The following MYO1H variants were observed in gnomAD, a reference collection of about 807,000 sequenced individuals.
The protein encoded by MYO1H is unconventional myosin-Ih.
A neutral mutation model predicts 149.3 loss-of-function variants in MYO1H; 118 were observed. That is an observed-to-expected ratio of 0.79 (90% CI 0.68 to 0.92). MYO1H has a LOEUF of 0.92. Among genes scored for constraint, MYO1H ranks in the 40% least tolerant of loss-of-function variants. The probability of loss-of-function intolerance (pLI) is 0.00; values close to 1 mark genes in which losing one functional copy is unlikely to be tolerated. For missense variants in MYO1H, 1,212 were observed against 1,280.7 expected (o/e 0.95, Z 0.82); for synonymous variants, 447 against 465.2 (o/e 0.96, Z 0.50).
At chr12:109,395,138 A>G (rs1238265412) in intron 3 of MYO1H, among the ~76,000 whole-genome samples, 2 of 152,152 alleles carry the variant, frequency 1.3e-5, no homozygotes, top group Admixed American at 1.3e-4. Context: ...GGATACCTTC[A>G]TGCTTTGGTG....
At chr12:109,385,250 G>A (rs745824957) in intron 1 of MYO1H, among the ~76,000 whole-genome samples, 7 of 151,672 alleles carry the variant, frequency 4.6e-5, no homozygotes, top group Non-Finnish European at 1.0e-4. Context: ...GGTACAGCAT[G>A]GAAATATTTG....
At chr12:109,333,180 C>T in the MYO1H span, among the ~76,000 whole-genome samples, 8 of 152,106 alleles carry the variant, frequency 5.3e-5, no homozygotes, top group South Asian at 8.3e-4. Flanking sequence ...ATTAGCCAGG[C>T]GTGGTGGCAG....
At chr12:109,324,096 C>G in the MYO1H span, among the ~76,000 whole-genome samples, 1 of 151,998 alleles carries the variant, frequency 6.6e-6, no homozygotes, top group East Asian at 1.9e-4. Context: ...GACCCCAAGG[C>G]TGGGGTGGGA....
chr12:109,407,709 T>G, intron 9 of MYO1H, 85 bp from the exon 10 acceptor site: 2 of 1,428,614 alleles, frequency 1.4e-6, no homozygotes, highest in Non-Finnish European at 9.4e-7. Context: ...TTATTTTATT[T>G]TTTTTTTAAG....
At chr12:109,335,976 A>G in the MYO1H span, among the ~76,000 whole-genome samples, 2 of 151,812 alleles carry the variant, frequency 1.3e-5, no homozygotes, top group Non-Finnish European at 2.9e-5. Context: ...TTCATCTTCA[A>G]TCCTCTCCTT....
At chr12:109,416,476 TC>T (rs1344340931) in intron 15 of MYO1H, among the ~76,000 whole-genome samples, 1 of 152,032 alleles carries the variant, frequency 6.6e-6, no homozygotes, top group Non-Finnish European at 1.5e-5. Flanking sequence ...TCAGGGTTCA[TC>T]CATGCTTTCA....
intron 1 of MYO1H, among the ~76,000 whole-genome samples, chr12:109,378,743 G>A (rs1343133843): frequency 1.3e-5 from 2 of 152,158 alleles, no homozygotes; most frequent in African/African-American, 4.8e-5. Context: ...GAAGGTAAAA[G>A]GAAGCTAGCA....
At chr12:109,353,868 G>A (rs1014784087) in intron 1 of MYO1H, among the ~76,000 whole-genome samples, 2 of 152,118 alleles carry the variant, frequency 1.3e-5, no homozygotes, top group South Asian at 4.1e-4. Flanking sequence ...CGGCCAGGCT[G>A]GTCTCTCAAA....
intron 1 of MYO1H, among the ~76,000 whole-genome samples, chr12:109,379,818 C>T (rs867305974): frequency 5.3e-5 from 8 of 149,766 alleles, no homozygotes; most frequent in Admixed American, 4.7e-4. Context: ...CTGCAACCTC[C>T]GCTTCCCAGG....
intron 1 of MYO1H, among the ~76,000 whole-genome samples, chr12:109,355,429 C>G (rs1229485197): frequency 1.3e-5 from 2 of 152,124 alleles, no homozygotes; most frequent in African/African-American, 4.8e-5. Context: ...CAAGCAGGAC[C>G]TGAGGTTTTG....
At chr12:109,433,886 T>C (rs1215608549) in intron 20 of MYO1H, among the ~76,000 whole-genome samples, 1 of 152,142 alleles carries the variant, frequency 6.6e-6, no homozygotes, top group Non-Finnish European at 1.5e-5. Context: ...GAGAGTGGGA[T>C]CACCAGGCAC....
chr12:109,398,611 A>G lies in MYO1H; in HGVS notation c.570+799A>G, dbSNP rs187566784. ...AAAAAATACAAAAAATTAGCCATGC[A>G]TGGTGGTGTGCGACTGTAATCCCAG... On this transcript the variant is annotated intron_variant, in intron 5 of 31. Transcript: ENST00000310903. 1.4e-3 allele frequency among the ~76,000 whole-genome samples: 208 copies of G among 151,792 alleles called. 8 individuals carry two copies. In the East Asian group the frequency reaches 0.033, roughly 24 times the overall value.
intron 1 of MYO1H, among the ~76,000 whole-genome samples, chr12:109,367,437 C>A (rs1309986157): frequency 6.6e-6 from 1 of 152,172 alleles, no homozygotes; most frequent in Non-Finnish European, 1.5e-5. Flanking sequence ...TTAAAAGACC[C>A]ATAACACAAG....
intron 13 of MYO1H, among the ~76,000 whole-genome samples, chr12:109,411,412 T>C (rs1182670629): frequency 6.6e-6 from 1 of 152,248 alleles, no homozygotes; most frequent in African/African-American, 2.4e-5. Context: ...ACACCTGTAA[T>C]TTTTAAGATG....
At position 109,420,919 on chromosome 12, in the gene MYO1H, G is replaced by C; in HGVS notation, c.1598-62G>C. 4 of 864,834 alleles carry C rather than the reference G, an allele frequency of 4.6e-6. No individual in the cohort carries two copies. In the South Asian group the frequency reaches 5.7e-5, roughly 12 times the overall value. The allele number at this position is 864,834 out of a possible 1,614,324, so 53.6% of individuals were successfully genotyped here. On this transcript the variant is annotated intron_variant, in intron 15 of 31. Coordinates refer to ENST00000310903, the Ensembl canonical transcript of MYO1H. ...AGAATTTCCCTTTGCAATGAGTTGG[G>C]ATGGAATTGTATTTTTAGGCAGAGA...
chr12:109,443,126 GTATA>G (rs1173134372), intron 27 of MYO1H, among the ~76,000 whole-genome samples: 163 of 7,712 alleles, frequency 0.021, 26 homozygotes, highest in African/African-American at 0.048. Flanking sequence ...ATATGTGTAC[GTATA>G]TATGTGTGTA....
At chr12:109,444,085 T>A in intron 28 of MYO1H, 128 bp from the exon 29 acceptor site, 3 of 752,450 alleles carry the variant, frequency 4.0e-6, no homozygotes, top group Non-Finnish European at 7.0e-6. Flanking sequence ...AAGTATGCCC[T>A]TCATCCTTCT....
chr12:109,322,908 A>G, the MYO1H span, among the ~76,000 whole-genome samples: 636 of 151,504 alleles, frequency 4.2e-3, 4 homozygotes, highest in African/African-American at 0.014. Flanking sequence ...GGAGATCGAG[A>G]CCATCCTGGC....
chr12:109,374,841 A>T (rs1241247175), intron 1 of MYO1H, among the ~76,000 whole-genome samples: 1 of 149,162 alleles, frequency 6.7e-6, no homozygotes, highest in African/African-American at 2.5e-5. Context: ...CACATTTCAT[A>T]TTTGTATTGG....
Sources: allele counts gnomAD v4.1 joint callset (sites outside exome capture counted in the v4.1 genomes callset), GRCh38; gene constraint gnomAD v4.1.1; transcripts MANE v1.5; gene names NCBI Gene and HGNC (gene_info 2026-07-23, HGNC 2026-07-21).